Variants in CLU observed in about 807,000 individuals in gnomAD.
CLU encodes the protein aging-associated protein 4.
A neutral mutation model predicts 46.4 loss-of-function variants in CLU; 25 were observed. The observed-to-expected ratio is 0.54, with a 90% CI of 0.39 to 0.75. The LOEUF (loss-of-function observed/expected upper bound fraction) is 0.75, where lower values mean the gene tolerates loss of function less well. Among genes scored for constraint, CLU ranks in the 30% least tolerant of loss-of-function variants. CLU has a pLI of 0.00. For missense variants in CLU, 504 were observed against 592.1 expected (o/e 0.85, Z 1.54); for synonymous variants, 235 against 235.1 (o/e 1.00, Z 0.00).
chr8:27,612,303 T>C (rs1021203728), intron 1 of CLU, among the ~76,000 whole-genome samples: 19 of 152,196 alleles, frequency 1.2e-4, no homozygotes, highest in Admixed American at 1.0e-3. Flanking sequence ...TTTCCTTGAT[T>C]CCAAGTCACT....
At chr8:27,600,524 T>C (rs1344640127) in intron 6 of CLU, among the ~76,000 whole-genome samples, 1 of 152,218 alleles carries the variant, frequency 6.6e-6, no homozygotes, top group Non-Finnish European at 1.5e-5. Context: ...ACGCCCAGCC[T>C]GAGAAGCCTT....
intron 3 of CLU, 109 bp from the exon 4 acceptor site, chr8:27,606,633 C>T (rs953869836): frequency 1.4e-5 from 19 of 1,335,444 alleles, no homozygotes; most frequent in Non-Finnish European, 2.0e-5. Flanking sequence ...TTCCCATAGG[C>T]TGGCCACCCA....
At chr8:27,609,174 G>A (rs752634776) in intron 2 of CLU, 88 bp from the exon 3 acceptor site, 19 of 1,431,672 alleles carry the variant, frequency 1.3e-5, no homozygotes, top group East Asian at 4.6e-5. Context: ...AGAAAGGCCC[G>A]TTCAGTTCAG....
rs1300399213 is a variant in CLU at position 27,599,751 on chromosome 8, C to T, written c.1164+29G>A. ...CCCGATCACAGCTCGGGCTCCCGAGCCACAGCATGTGGCCGGGACACAGCT... is the reference window on the plus strand; with the variant it reads ...CCCGATCACAGCTCGGGCTCCCGAGTCACAGCATGTGGCCGGGACACAGCT... On this transcript the variant is annotated intron_variant, in intron 7 of 8. Transcript: ENST00000316403. This position sits in a 1 kb window ranked among gnomAD's most constrained non-coding sequence, Gnocchi z 4.0. 5 of 1,548,752 alleles carry T rather than the reference C, an allele frequency of 3.2e-6. No individual in the cohort carries two copies. The highest frequency in any genetic ancestry group is 4.4e-6 in the Non-Finnish European group (5 of 1,130,760).
At chr8:27,607,551 T>C (rs940784419) in intron 3 of CLU, among the ~76,000 whole-genome samples, 1 of 152,070 alleles carries the variant, frequency 6.6e-6, no homozygotes, top group African/African-American at 2.4e-5. Flanking sequence ...AGGATGTTTA[T>C]AGTCCATTTT....
chr8:27,612,680 G>A (rs981286513), intron 1 of CLU, among the ~76,000 whole-genome samples: 1 of 151,956 alleles, frequency 6.6e-6, no homozygotes, highest in East Asian at 1.9e-4. Flanking sequence ...CTGATCCAAG[G>A]AATGTTCTAG....
rs1585250110 is a variant in CLU, at chr8:27,598,541, G to A, written c.1259C>T (p.Pro420Leu). ...AGGGTTCTTCCTGGAGACTTCTACA[G>A]GGACCGTCACAGTGATGGGATCAGA... ...FDSDPITVTV[P>L]VEVSRKNPKF... Residue 420 changes from proline (P) to leucine (L), a missense_variant, in exon 8 of 9, where the codon CCT (proline) becomes CTT (leucine). This residue lies in a region of CLU where 428 missense variants were observed against 484.0 expected (regional missense o/e 0.88). Coordinates refer to ENST00000316403, the MANE Select transcript of CLU (RefSeq NM_001831.4). The A allele has an allele frequency of 6.2e-7, 1 of 1,614,146 alleles. No homozygotes were observed. Among genetic ancestry groups the A allele is most frequent in the African/African-American group, 1.3e-5 (1 of 75,034 alleles).
chr8:27,599,611 C>G lies in CLU; in HGVS notation c.1164+169G>C. The G allele has an allele frequency of 1.6e-6, 1 of 619,476 alleles. No individual in the cohort carries two copies. Among genetic ancestry groups the G allele is most frequent in the Non-Finnish European group, 2.9e-6 (1 of 347,152 alleles). 38.4% of individuals were successfully genotyped at this position (619,476 alleles called of 1,614,324 possible). Reference sequence around the variant, plus strand: ...TCTCTTACTTTGCTCCTTTGTAAAGCAGGGTTATATTTTCCCTGAGTGGGT... The same window carrying G: ...TCTCTTACTTTGCTCCTTTGTAAAGGAGGGTTATATTTTCCCTGAGTGGGT... On this transcript the variant is annotated intron_variant, in intron 7 of 8. Coordinates refer to ENST00000316403, the MANE Select transcript of CLU (RefSeq NM_001831.4). This position sits in a 1 kb window ranked among gnomAD's most constrained non-coding sequence, Gnocchi z 4.0.
chr8:27,602,316 G>A (rs949954222), intron 6 of CLU, among the ~76,000 whole-genome samples: 1 of 150,780 alleles, frequency 6.6e-6, no homozygotes, highest in African/African-American at 2.4e-5. Flanking sequence ...AGAATGACCT[G>A]GTCCAAAATG....
At chr8:27,612,499 G>A (rs1287366329) in intron 1 of CLU, among the ~76,000 whole-genome samples, 2 of 152,210 alleles carry the variant, frequency 1.3e-5, no homozygotes, top group Non-Finnish European at 2.9e-5. Flanking sequence ...AGAGGGGCAG[G>A]AAAACCGAGA....
At position 27,597,674 on chromosome 8, in the gene CLU, T is replaced by C. The variant is rs1307060704; in HGVS notation, c.*567A>G. ...ACTTTCAGTGTATTCCTTTAGGAGATTGTCGCACCTTGGTCAGAATACATC... is the reference window on the plus strand; with the variant it reads ...ACTTTCAGTGTATTCCTTTAGGAGACTGTCGCACCTTGGTCAGAATACATC... On this transcript the variant is annotated 3_prime_UTR_variant, in exon 9 of 9. Transcript: ENST00000316403. 3 of 454,066 alleles carry C rather than the reference T, an allele frequency of 6.6e-6. No homozygotes were observed. The highest frequency in any genetic ancestry group is 2.0e-5 in the African/African-American group (1 of 50,008). 28.1% of individuals were successfully genotyped at this position (454,066 alleles called of 1,614,324 possible). A position where few individuals can be genotyped will look rare whatever the true frequency, so the allele number is the denominator to read the frequency against.
At chr8:27,609,356 C>G (rs939198993) in intron 2 of CLU, among the ~76,000 whole-genome samples, 2 of 151,694 alleles carry the variant, frequency 1.3e-5, no homozygotes, top group Non-Finnish European at 2.9e-5. Context: ...TGCCATGTGC[C>G]CCTGGAGAAT....
chr8:27,605,108 C>A lies in CLU; in HGVS notation c.645G>T (p.Arg215Ser), dbSNP rs374573883. Residue 215 changes from arginine (R) to serine (S), a missense_variant, in exon 5 of 9, where the codon AGG becomes AGT. Transcript: ENST00000316403. Reference sequence around the variant, plus strand: ...GGGACTTGGGAAAGAAGAAGTGAGGCCTCCGGTGGGGCAGGCTGAAGGGCA... The same window carrying A: ...GGGACTTGGGAAAGAAGAAGTGAGGACTCCGGTGGGGCAGGCTGAAGGGCA... ...HYLPFSLPHR[R>S]PHFFFPKSRI... is the part of the protein sequence containing the mutation. The A allele has an allele frequency of 1.2e-6, 2 of 1,613,988 alleles. No individual in the cohort carries two copies. Among genetic ancestry groups the A allele is most frequent in the Non-Finnish European group, 1.7e-6 (2 of 1,180,034 alleles).
Position 27,605,335 on chromosome 8 carries a change from G to A in CLU, c.418C>T (p.Leu140Phe). 6.2e-7 allele frequency: 1 copy of A among 1,614,122 alleles called. No individual in the cohort carries two copies. Among genetic ancestry groups the A allele is most frequent in the Non-Finnish European group, 8.5e-7 (1 of 1,180,026 alleles). ...GAGCTCTGGTTCAGGAACTCCTCAA[G>A]CTGGGACAGCCAGCATGGGCACAGT... ...RSGSGLVGRQ[L>F]EEFLNQSSPF... The change falls in exon 5 of 9, where the codon CTT becomes TTT. Residue 140 changes from leucine to phenylalanine, a missense_variant and splice_region_variant. Leu to Phe is a conservative substitution (Grantham distance 22). This residue lies in a region of CLU where 428 missense variants were observed against 484.0 expected (regional missense o/e 0.88). Transcript: ENST00000316403.
In CLU at chr8:27,606,389, C is replaced by T. The variant is rs150438413; in HGVS notation, c.382G>A (p.Val128Ile). Residue 128 changes from valine to isoleucine, a missense_variant, in exon 4 of 9, where the codon GTC (valine) becomes ATC (isoleucine). Physicochemically the swap from Val to Ile is conservative, Grantham distance 29. This residue lies in a region of CLU where 428 missense variants were observed against 484.0 expected (regional missense o/e 0.88). Transcript: ENST00000316403. Reference sequence around the variant, plus strand: ...ACCAGGCCTGAGCCACTTCTGCAGACGCGTGCGTAGAACTTCATGCAGGTC... The same window carrying T: ...ACCAGGCCTGAGCCACTTCTGCAGATGCGTGCGTAGAACTTCATGCAGGTC... ...KQTCMKFYAR[V>I]CRSGSGLVGR... is the part of the protein sequence containing the mutation. 5.1e-4 allele frequency: 826 copies of T among 1,614,242 alleles called. 2 individuals are homozygous for T. The African/African-American group carries it at 9.4e-3, about 18-fold the overall frequency.
rs565436689 is a variant in CLU, at chr8:27,605,116, G to A, written c.637C>T (p.His213Tyr). ...TYHYLPFSLP[H>Y]RRPHFFFPKS... is the part of the protein sequence containing the mutation. ...GGAAAGAAGAAGTGAGGCCTCCGGT[G>A]GGGCAGGCTGAAGGGCAGGTAGTGG... Residue 213 changes from histidine to tyrosine, a missense_variant, in exon 5 of 9, where the codon CAC becomes TAC. This residue lies in a region of CLU where 428 missense variants were observed against 484.0 expected (regional missense o/e 0.88). Coordinates refer to ENST00000316403, the MANE Select transcript of CLU (RefSeq NM_001831.4). 6.2e-7 allele frequency: 1 copy of A among 1,614,174 alleles called. No homozygotes were observed. The highest frequency in any genetic ancestry group is 1.7e-5 in the Admixed American group (1 of 60,014).
chr8:27,605,213 G>T lies in CLU; in HGVS notation c.540C>A (p.Phe180Leu). 1 of 1,614,216 alleles carries T rather than the reference G, an allele frequency of 6.2e-7. No homozygotes were observed. The highest frequency in any genetic ancestry group is 1.3e-5 in the African/African-American group (1 of 75,058). ...CGTCTATGATGCTGGACGCGCGGCTGAAGTGGTCCTGCATGACATCCAGCA... is the reference window on the plus strand; with the variant it reads ...CGTCTATGATGCTGGACGCGCGGCTTAAGTGGTCCTGCATGACATCCAGCA... ...THMLDVMQDHFSRASSIIDEL... is the reference protein window; with the variant it reads ...THMLDVMQDHLSRASSIIDEL... The change falls in exon 5 of 9, where the codon TTC becomes TTA. Residue 180 changes from phenylalanine to leucine, a missense_variant. Phe to Leu is a conservative substitution (Grantham distance 22). Coordinates refer to ENST00000316403, the MANE Select transcript of CLU (RefSeq NM_001831.4).
At chr8:27,604,535 C>A in intron 5 of CLU, 140 bp from the exon 6 acceptor site, 3 of 783,776 alleles carry the variant, frequency 3.8e-6, no homozygotes, top group Non-Finnish European at 6.4e-6. Context: ...TGCAATGGTG[C>A]AATCATAGCT....
At chr8:27,604,878 A>C (rs1216252169) in intron 5 of CLU, 46 bp downstream of exon 5, 1 of 1,606,816 alleles carries the variant, frequency 6.2e-7, no homozygotes, top group East Asian at 2.2e-5. Context: ...GGTTCTCAGC[A>C]TCTAACGAGT....
Sources: gnomAD v4.1 joint callset for allele counts (sites outside exome capture counted in the v4.1 genomes callset) on GRCh38, gnomAD v4.1.1 for gene constraint, gnomAD v4.1.1 regional missense constraint, Gnocchi (gnomAD v3.1) non-coding constraint, MANE v1.5 for transcripts, NCBI Gene and HGNC (gene_info 2026-07-23, HGNC 2026-07-21) for gene names.